The following ZNF362 variants were observed in gnomAD, a reference collection of about 807,000 sequenced individuals.
ZNF362 encodes the protein zinc finger protein 362, also known as rotund homolog.
In ZNF362, 11 loss-of-function variants were observed where a neutral mutation model predicts 42.9. The ratio of observed to expected loss-of-function variants is 0.26; its 90% CI spans 0.16 to 0.42. The LOEUF (loss-of-function observed/expected upper bound fraction) is 0.42, where lower values mean the gene tolerates loss of function less well. ZNF362 is among the 20% of genes least tolerant of loss of function. The pLI, the probability that ZNF362 is intolerant of heterozygous loss-of-function variation, is 1.00. For missense variants in ZNF362, 362 were observed against 576.2 expected (o/e 0.63, Z 3.81); for synonymous variants, 255 against 257.3 (o/e 0.99, Z 0.09).
the ZNF362 span, among the ~76,000 whole-genome samples, chr1:33,127,596 CG>C: frequency 7.2e-3 from 1,101 of 152,302 alleles, 12 homozygotes; most frequent in African/African-American, 0.025. Context: ...AGGGTAACAC[CG>C]GAAGTGGGCT....
At chr1:33,297,511 C>CTTTT (rs776504622) in intron 8 of ZNF362, among the ~76,000 whole-genome samples, 1,801 of 78,652 alleles carry the variant, frequency 0.023, 129 homozygotes, top group Admixed American at 0.078. Flanking sequence ...TACATGATTC[C>CTTTT]TCTTTTTTTT....
At chr1:33,158,757 A>G in the ZNF362 span, among the ~76,000 whole-genome samples, 1 of 152,186 alleles carries the variant, frequency 6.6e-6, no homozygotes, top group East Asian at 1.9e-4. Context: ...ACAGAGACCT[A>G]GGCTTGAATC....
At chr1:33,219,162 T>G in the ZNF362 span, among the ~76,000 whole-genome samples, 2 of 152,150 alleles carry the variant, frequency 1.3e-5, no homozygotes, top group Non-Finnish European at 2.9e-5. Context: ...AACTCTGTCA[T>G]CTCCTGGCTG....
chr1:33,165,380 A>T, the ZNF362 span: 2 of 1,217,118 alleles, frequency 1.6e-6, no homozygotes, highest in Non-Finnish European at 1.1e-6. The surrounding 1 kb of genome is among the most constrained non-coding windows in gnomAD (Gnocchi z 4.0). Flanking sequence ...CGCACACCCG[A>T]GGCCCCGCCC....
chr1:33,201,855 A>T, the ZNF362 span, among the ~76,000 whole-genome samples: 1 of 152,250 alleles, frequency 6.6e-6, no homozygotes, highest in African/African-American at 2.4e-5. Context: ...AGTAAAATTG[A>T]CAAATCTCTA....
the ZNF362 span, chr1:33,180,971 G>A: frequency 9.5e-6 from 5 of 526,712 alleles, no homozygotes; most frequent in African/African-American, 2.4e-4. Context: ...CCCCCCGCCC[G>A]GCCCCACCTC....
At chr1:33,183,668 T>G in the ZNF362 span, among the ~76,000 whole-genome samples, 3 of 152,210 alleles carry the variant, frequency 2.0e-5, no homozygotes, top group Non-Finnish European at 4.4e-5. Flanking sequence ...GGGAAGCCTA[T>G]GGCAGAGAGG....
At chr1:33,286,184 A>G (rs1646031271) in intron 6 of ZNF362, among the ~76,000 whole-genome samples, 1 of 152,238 alleles carries the variant, frequency 6.6e-6, no homozygotes, top group Non-Finnish European at 1.5e-5. Flanking sequence ...CCGTCTGGAA[A>G]TGCCAAGAGC....
upstream of ZNF362, among the ~76,000 whole-genome samples, chr1:33,256,172 T>TGGCGGCGGCGGC (rs535478080): frequency 6.9e-6 from 1 of 145,494 alleles, no homozygotes; most frequent in Non-Finnish European, 1.5e-5. Context: ...TGCCAGGCGG[T>TGGCGGCGGCGGC]GGCGGCGGCG....
chr1:33,238,762 G>C, the ZNF362 span, among the ~76,000 whole-genome samples: 12 of 152,000 alleles, frequency 7.9e-5, no homozygotes, highest in Non-Finnish European at 2.9e-5. Context: ...GTCCTTATGA[G>C]AGGAGGAAGA....
chr1:33,192,365 A>G, the ZNF362 span, among the ~76,000 whole-genome samples: 3 of 152,214 alleles, frequency 2.0e-5, no homozygotes, highest in East Asian at 1.9e-4. Flanking sequence ...ATGGAATCTT[A>G]TTACCATTGG....
chr1:33,271,767 G>T (rs1337146262), intron 2 of ZNF362, among the ~76,000 whole-genome samples: 1 of 152,092 alleles, frequency 6.6e-6, no homozygotes, highest in African/African-American at 2.4e-5. Flanking sequence ...CTGTGTGTCT[G>T]CAGGAGCATC....
the ZNF362 span, chr1:33,142,088 C>T: frequency 6.6e-6 from 1 of 152,250 alleles, no homozygotes; most frequent in African/African-American, 2.4e-5. Flanking sequence ...GATAATTCAA[C>T]ACCTTTGTTA....
intron 8 of ZNF362, among the ~76,000 whole-genome samples, chr1:33,295,637 G>A (rs1646117661): frequency 6.6e-6 from 1 of 152,112 alleles, no homozygotes; most frequent in South Asian, 2.1e-4. Context: ...CTGTCACCCA[G>A]GAAGCTGCAA....
chr1:33,295,067 C>T (rs1428688926), intron 7 of ZNF362, 52 bp downstream of exon 7: 3 of 1,611,942 alleles, frequency 1.9e-6, no homozygotes, highest in South Asian at 2.2e-5. Context: ...CCCCCCCACC[C>T]ACCCCCACAA....
chr1:33,255,886 A>C (rs1348228407), upstream of ZNF362, among the ~76,000 whole-genome samples: 1 of 151,696 alleles, frequency 6.6e-6, no homozygotes, highest in East Asian at 2.0e-4. Flanking sequence ...GCAGCCTGGC[A>C]CCGCGCGGGC....
chr1:33,165,749 C>T, the ZNF362 span: 1 of 446,644 alleles, frequency 2.2e-6, no homozygotes, highest in Non-Finnish European at 4.0e-6. This position sits in a 1 kb window ranked among gnomAD's most constrained non-coding sequence, Gnocchi z 4.0. Flanking sequence ...ACCTCCAGAA[C>T]CCGTCCGTAT....
chr1:33,227,229 A>G, the ZNF362 span, among the ~76,000 whole-genome samples: 3 of 152,180 alleles, frequency 2.0e-5, no homozygotes, highest in Non-Finnish European at 4.4e-5. Flanking sequence ...AAAATTGGCT[A>G]CAAATCCTTT....
Position 33,299,828 on chromosome 1 carries a change from C to T in ZNF362, c.*782C>T, listed in dbSNP as rs1208101559. The T allele has an allele frequency of 3.3e-5, 5 of 152,764 alleles. No individual in the cohort carries two copies. Among genetic ancestry groups the T allele is most frequent in the Admixed American group, 3.3e-4 (5 of 15,288 alleles). 9.5% of individuals were successfully genotyped at this position (152,764 alleles called of 1,614,324 possible). ...GTCTACCTCGGTGCTGGCCAGGAAA[C>T]CTTTCGGCTACCTCTCCCACCATCC... On this transcript the variant is annotated 3_prime_UTR_variant, in exon 9 of 9. Transcript: ENST00000539719.
Sources: allele counts gnomAD v4.1 joint callset (sites outside exome capture counted in the v4.1 genomes callset), GRCh38; gene constraint gnomAD v4.1.1; non-coding constraint Gnocchi (gnomAD v3.1); transcripts MANE v1.5; gene names NCBI Gene and HGNC (gene_info 2026-07-23, HGNC 2026-07-21).